NSMAF: variants seen among roughly 807,000 people sequenced by gnomAD.
NSMAF encodes the protein neutral sphingomyelinase activation associated factor.
NSMAF carries 90 observed loss-of-function variants against 134.9 expected under a neutral mutation model. That is an observed-to-expected ratio of 0.67 (90% CI 0.56 to 0.79). The LOEUF is 0.79. Among genes scored for constraint, NSMAF ranks in the 30% least tolerant of loss-of-function variants. The pLI is 0.00. For synonymous variants in NSMAF, 358 were observed against 389.6 expected (o/e 0.92, Z 0.96); for missense variants, 1,010 against 1,119.0 (o/e 0.90, Z 1.39).
chr8:58,594,509 T>C, intron 22 of NSMAF: 1 of 560,050 alleles, frequency 1.8e-6, no homozygotes, highest in Non-Finnish European at 3.2e-6. Flanking sequence ...CCCCACTCTT[T>C]GCTTCCCTGT....
chr8:58,628,958 T>C (rs1321324007), intron 6 of NSMAF, among the ~76,000 whole-genome samples: 1 of 152,196 alleles, frequency 6.6e-6, no homozygotes, highest in Non-Finnish European at 1.5e-5. Flanking sequence ...ACTTTTCTCT[T>C]GCTGCTTTCA....
intron 1 of NSMAF, 172 bp downstream of exon 1, chr8:58,659,401 C>T: frequency 1.3e-6 from 2 of 1,514,934 alleles, no homozygotes; most frequent in Non-Finnish European, 8.8e-7. Context: ...GCCTCTCACC[C>T]CGACCTCAGG....
chr8:58,626,992 T>G (rs1242301074), intron 6 of NSMAF, among the ~76,000 whole-genome samples: 3 of 152,220 alleles, frequency 2.0e-5, no homozygotes, highest in Non-Finnish European at 4.4e-5. Flanking sequence ...GTTTGCTAGT[T>G]GTTTGTATGT....
At chr8:58,654,081 T>C (rs932846285) in intron 1 of NSMAF, among the ~76,000 whole-genome samples, 5 of 152,230 alleles carry the variant, frequency 3.3e-5, no homozygotes, top group African/African-American at 1.2e-4. Context: ...ATAGATTTCT[T>C]GGGACCTATC....
intron 1 of NSMAF, 26 bp downstream of exon 1, chr8:58,659,547 G>C: frequency 6.6e-7 from 1 of 1,524,512 alleles, no homozygotes; most frequent in African/African-American, 1.4e-5. Context: ...GCCCCCGGCT[G>C]GGCCCTTCTT....
chr8:58,589,396 A>T, intron 26 of NSMAF, 56 bp downstream of exon 26: 1 of 1,331,986 alleles, frequency 7.5e-7, no homozygotes, highest in Non-Finnish European at 9.8e-7. Context: ...GCTAAAAATT[A>T]TACATATGCC....
At chr8:58,590,836 T>A (rs1806004984) in intron 24 of NSMAF, 31 bp downstream of exon 24, 1 of 1,535,754 alleles carries the variant, frequency 6.5e-7, no homozygotes, top group Non-Finnish European at 8.9e-7. Flanking sequence ...CTACACGGAT[T>A]TCTATCATAA....
intron 5 of NSMAF, 79 bp downstream of exon 5, chr8:58,635,110 T>G (rs1439638456): frequency 9.5e-7 from 1 of 1,050,424 alleles, no homozygotes; most frequent in South Asian, 1.4e-5. Context: ...TCATCTGATA[T>G]CTCTACAAGT....
Position 58,590,935 on chromosome 8 carries a change from C to G in NSMAF, c.1952-1G>C. 1 of 1,569,694 alleles carries G rather than the reference C, an allele frequency of 6.4e-7. No individual in the cohort carries two copies. Among genetic ancestry groups the G allele is most frequent in the Non-Finnish European group, 8.7e-7 (1 of 1,148,052 alleles). ...TTAGAAAACATCTTCAAGGTGGAAT[C>G]TAATTTAATAATGAGAAGTAGATAT... On this transcript the variant is annotated splice_acceptor_variant, in intron 23 of 30. Coordinates refer to ENST00000038176, the MANE Select transcript of NSMAF (RefSeq NM_003580.4). LOFTEE classifies it high-confidence loss of function.
chr8:58,637,750 AG>A (rs1217102602), intron 2 of NSMAF, among the ~76,000 whole-genome samples: 1 of 152,220 alleles, frequency 6.6e-6, no homozygotes, highest in African/African-American at 2.4e-5. Context: ...AATTTATAAA[AG>A]CACCAAAGGA....
intron 30 of NSMAF, 105 bp downstream of exon 30, chr8:58,585,547 C>T: frequency 1.3e-6 from 1 of 776,240 alleles, no homozygotes; most frequent in Non-Finnish European, 2.2e-6. Flanking sequence ...ATGGAAAAAC[C>T]ATGGGTGTTT....
At chr8:58,606,250 G>A (rs548246896) in intron 11 of NSMAF, among the ~76,000 whole-genome samples, 46 of 152,078 alleles carry the variant, frequency 3.0e-4, no homozygotes, top group Middle Eastern at 6.8e-3. Context: ...AATGTTTTGA[G>A]AACAAGATAG....
intron 1 of NSMAF, among the ~76,000 whole-genome samples, chr8:58,650,185 C>T (rs1807551848): frequency 6.6e-6 from 1 of 152,136 alleles, no homozygotes; most frequent in South Asian, 2.1e-4. Flanking sequence ...AGAGCTTTCC[C>T]TGTCATAAAT....
chr8:58,613,871 A>G lies in NSMAF; in HGVS notation c.558-4138T>C, dbSNP rs1218166462. Among the ~76,000 whole-genome samples, 7 of 152,316 alleles carry G rather than the reference A, an allele frequency of 4.6e-5. No homozygotes were observed. The East Asian group carries it at 5.8e-4, about 13-fold the overall frequency. On this transcript the variant is annotated intron_variant, in intron 9 of 30. Coordinates refer to ENST00000038176, the MANE Select transcript of NSMAF (RefSeq NM_003580.4). Reference sequence around the variant, plus strand: ...AAAATCTGAAATCTGAACTGCTCCAATGAGCATTTCCTTTGACCATCATGT... The same window carrying G: ...AAAATCTGAAATCTGAACTGCTCCAGTGAGCATTTCCTTTGACCATCATGT...
chr8:58,595,685 CT>C (rs55965030), intron 21 of NSMAF, 26 bp from the exon 22 acceptor site: 436,646 of 1,419,736 alleles, frequency 0.31, 66,508 homozygotes, highest in Non-Finnish European at 0.33. Context: ...TAAATTTTTG[CT>C]AAGTCAACTA....
chr8:58,620,148 G>T (rs4598239), intron 9 of NSMAF, among the ~76,000 whole-genome samples: 46,699 of 152,032 alleles, frequency 0.31, 7,625 homozygotes, highest in Non-Finnish European at 0.35. Flanking sequence ...ATTAGAACAG[G>T]AGAAGTGTAC....
rs748916894 is a variant in NSMAF at position 58,602,038 on chromosome 8, G to A, written c.1125+20C>T. The A allele has an allele frequency of 1.3e-6, 2 of 1,586,720 alleles. No individual in the cohort carries two copies. The highest frequency in any genetic ancestry group is 2.2e-5 in the East Asian group (1 of 44,562). On this transcript the variant is annotated intron_variant, in intron 14 of 30. Transcript: ENST00000038176. ...GCTTCTCGTGTTGCTTAGAAACCAA[G>A]AATCTCTAAGTCCACATACCAGTAG...
chr8:58,598,305 A>G (rs995884852), intron 19 of NSMAF, among the ~76,000 whole-genome samples: 1 of 152,086 alleles, frequency 6.6e-6, no homozygotes, highest in African/African-American at 2.4e-5. Context: ...GAAGAAGATA[A>G]GCATTGAAAC....
At position 58,597,522 on chromosome 8, in the gene NSMAF, T is replaced by TG. The variant is rs1806166115; in HGVS notation, c.1656dup (p.Met553HisfsTer29). The TG allele has an allele frequency of 6.2e-7, 1 of 1,614,120 alleles. No individual in the cohort carries two copies. The highest frequency in any genetic ancestry group is 8.5e-7 in the Non-Finnish European group (1 of 1,180,036). On this transcript the variant is annotated frameshift_variant, in exon 21 of 31. Transcript: ENST00000038176. LOFTEE classifies it high-confidence loss of function. ...CCAAATTCCAAGATTTGCGTAAGCA[T>TG]GGCTACCTTCTCATCAGGATCCTGG...
Sources: gnomAD v4.1 joint callset for allele counts (sites outside exome capture counted in the v4.1 genomes callset) on GRCh38, gnomAD v4.1.1 for gene constraint, MANE v1.5 for transcripts, NCBI Gene and HGNC (gene_info 2026-07-23, HGNC 2026-07-21) for gene names.